The following USH2A variants were observed in gnomAD, a reference collection of about 807,000 sequenced individuals.
The protein encoded by USH2A is Usher syndrome 2A (autosomal recessive, mild).
In USH2A, 443 loss-of-function variants were observed where a neutral mutation model predicts 538.9. The observed-to-expected ratio is 0.82, with a 90% CI of 0.76 to 0.89. The LOEUF is 0.89. USH2A is among the 40% of genes least tolerant of loss of function. USH2A has a pLI of 0.00. For missense variants in USH2A, 6,633 were observed against 6,324.8 expected, an observed-to-expected ratio of 1.05 and a Z score of -1.65; for synonymous variants, 2,413 against 2,273.5, an observed-to-expected ratio of 1.06 and a Z score of -1.75.
rs953887377 is a variant in USH2A, at chr1:216,232,229, T to G, written c.2810-93A>C. 3 of 1,360,948 alleles carry G rather than the reference T, an allele frequency of 2.2e-6. No homozygotes were observed. The African/African-American group carries it at 4.4e-5, about 20-fold the overall frequency. The allele number at this position is 1,360,948 out of a possible 1,614,324, so 84.3% of individuals were successfully genotyped here. On this transcript the variant is annotated intron_variant, in intron 13 of 71. Coordinates refer to ENST00000307340, the MANE Select transcript of USH2A (RefSeq NM_206933.4). The stretch of plus-strand genomic sequence containing the variant: ...TTGATTACACAGAAAAACAGAATAC[T>G]CTACCAAGGCACTAATTCCCAATAC...
intron 4 of USH2A, among the ~76,000 whole-genome samples, chr1:216,345,738 G>A (rs2038162872): frequency 6.6e-6 from 1 of 152,098 alleles, no homozygotes; most frequent in African/African-American, 2.4e-5. Flanking sequence ...GACCCCATAA[G>A]CCTACTGTTC....
At chr1:215,691,134 G>A (rs890540558) in intron 61 of USH2A, among the ~76,000 whole-genome samples, 1 of 151,990 alleles carries the variant, frequency 6.6e-6, no homozygotes, top group Non-Finnish European at 1.5e-5. Flanking sequence ...TGCCCTCCTC[G>A]GCCTCCCAAA....
chr1:216,361,256 T>A (rs1262393292), intron 4 of USH2A, among the ~76,000 whole-genome samples: 1 of 152,104 alleles, frequency 6.6e-6, no homozygotes, highest in Non-Finnish European at 1.5e-5. Flanking sequence ...AAAAAATCTA[T>A]TCCAGATAGA....
Position 215,979,816 on chromosome 1 carries a change from C to T in USH2A, c.6806-9040G>A, listed in dbSNP as rs369306200. Among the ~76,000 whole-genome samples, 9 of 152,194 alleles carry T rather than the reference C, an allele frequency of 5.9e-5. No individual in the cohort carries two copies. The South Asian group carries it at 8.3e-4, about 14-fold the overall frequency. On this transcript the variant is annotated intron_variant, in intron 35 of 71. Transcript: ENST00000307340. ...TTCCTTTATCAAACATGAACAATGA[C>T]GTTAATCTCATAAAAGCCTACTTCC... is the stretch of plus-strand genomic sequence containing the variant.
At chr1:216,095,420 T>G (rs542346755) in intron 22 of USH2A, among the ~76,000 whole-genome samples, 3 of 152,314 alleles carry the variant, frequency 2.0e-5, no homozygotes, top group Non-Finnish European at 2.9e-5. Context: ...CTTCAGCTGA[T>G]TTTTTAAAAA....
At chr1:215,897,406 G>C (rs1665376163) in intron 40 of USH2A, among the ~76,000 whole-genome samples, 1 of 152,062 alleles carries the variant, frequency 6.6e-6, no homozygotes, top group Non-Finnish European at 1.5e-5. Context: ...TGCACTTTGG[G>C]TTGGGTGAGG....
At chr1:216,393,349 AG>A (rs1229460981) in intron 3 of USH2A, among the ~76,000 whole-genome samples, 3 of 152,250 alleles carry the variant, frequency 2.0e-5, no homozygotes, top group Non-Finnish European at 4.4e-5. Flanking sequence ...AATTTAATCA[AG>A]GAAGTTCCTA....
intron 32 of USH2A, among the ~76,000 whole-genome samples, chr1:216,001,091 T>C (rs1308952728): frequency 1.3e-5 from 2 of 152,154 alleles, no homozygotes; most frequent in African/African-American, 4.8e-5. Context: ...GTGATGTCCC[T>C]AACACTCCTT....
chr1:216,027,415 T>C (rs1458665608), intron 32 of USH2A, among the ~76,000 whole-genome samples: 1 of 152,204 alleles, frequency 6.6e-6, no homozygotes. Flanking sequence ...ACATTCCTGT[T>C]GTTTAAGCCA....
At chr1:216,143,994 T>C (rs890055897) in intron 21 of USH2A, among the ~76,000 whole-genome samples, 10 of 152,184 alleles carry the variant, frequency 6.6e-5, no homozygotes, top group African/African-American at 2.2e-4. Context: ...AGACTTTCTT[T>C]AGGGGGAACT....
At chr1:215,749,533 G>A (rs901942080) in intron 58 of USH2A, among the ~76,000 whole-genome samples, 4 of 152,162 alleles carry the variant, frequency 2.6e-5, no homozygotes, top group South Asian at 2.1e-4. Context: ...ACTGTGACAC[G>A]AAAGTCTCTG....
At chr1:216,145,882 C>T (rs2033689736) in intron 21 of USH2A, among the ~76,000 whole-genome samples, 2 of 152,092 alleles carry the variant, frequency 1.3e-5, no homozygotes, top group Admixed American at 1.3e-4. Flanking sequence ...AACAAACCCC[C>T]TTTGACTGTA....
At chr1:216,054,121 A>G (rs1030534188) in intron 30 of USH2A, among the ~76,000 whole-genome samples, 19 of 152,220 alleles carry the variant, frequency 1.2e-4, no homozygotes, top group African/African-American at 4.6e-4. Context: ...AGCAGCTATT[A>G]GTATGGTTTA....
At chr1:215,689,704 T>C (rs1026090383) in intron 61 of USH2A, among the ~76,000 whole-genome samples, 9 of 152,180 alleles carry the variant, frequency 5.9e-5, no homozygotes, top group African/African-American at 1.7e-4. Context: ...CTCTAGGACA[T>C]GAGGGCCAAC....
intron 62 of USH2A, among the ~76,000 whole-genome samples, chr1:215,676,109 T>C (rs918596125): frequency 6.6e-6 from 1 of 151,796 alleles, no homozygotes; most frequent in African/African-American, 2.4e-5. Flanking sequence ...AGTATGCTTG[T>C]GTGTGTGTGT....
At chr1:215,898,296 T>G (rs1665402371) in intron 40 of USH2A, among the ~76,000 whole-genome samples, 1 of 152,210 alleles carries the variant, frequency 6.6e-6, no homozygotes, top group African/African-American at 2.4e-5. Flanking sequence ...ACTCAAGCCC[T>G]AAATACCACA....
chr1:216,304,156 A>G (rs1452362223), intron 9 of USH2A, among the ~76,000 whole-genome samples: 1 of 152,048 alleles, frequency 6.6e-6, no homozygotes, highest in Admixed American at 6.6e-5. Context: ...AGATACTGCC[A>G]TATATATTCC....
At chr1:216,303,738 C>T (rs1434367840) in intron 9 of USH2A, among the ~76,000 whole-genome samples, 1 of 151,784 alleles carries the variant, frequency 6.6e-6, no homozygotes, top group Non-Finnish European at 1.5e-5. Flanking sequence ...TTGGTGTCTG[C>T]CAGGGAATCT....
At chr1:215,648,264 C>G (rs1403244870) in intron 66 of USH2A, among the ~76,000 whole-genome samples, 2 of 152,084 alleles carry the variant, frequency 1.3e-5, no homozygotes, top group Non-Finnish European at 2.9e-5. Context: ...ATTGCATTGT[C>G]TTTTTAATGT....
Sources: allele counts gnomAD v4.1 joint callset (sites outside exome capture counted in the v4.1 genomes callset), GRCh38; gene constraint gnomAD v4.1.1; transcripts MANE v1.5; gene names NCBI Gene and HGNC (gene_info 2026-07-23, HGNC 2026-07-21).